SAXO1: variants seen among roughly 807,000 people sequenced by gnomAD.
SAXO1 encodes the protein 4930500O09Rik.
Under a neutral mutation model 17.5 loss-of-function variants are expected in SAXO1, and 21 were observed. The observed-to-expected ratio is 1.20, with a 90% CI of 0.85 to 1.72. SAXO1 has a LOEUF of 1.72. SAXO1 is among the 40% of genes most tolerant of loss of function. SAXO1 has a pLI of 0.00. For missense variants in SAXO1, 843 were observed against 596.0 expected (o/e 1.41, Z -4.32); for synonymous variants, 274 against 216.5 (o/e 1.27, Z -2.33).
At chr9:18,955,071 C>T (rs1023150587) in intron 1 of SAXO1, among the ~76,000 whole-genome samples, 1 of 152,152 alleles carries the variant, frequency 6.6e-6, no homozygotes, top group Admixed American at 6.5e-5. Context: ...GTGGCACCTG[C>T]CTATCGTCCC....
At chr9:18,937,923 G>A (rs948531869) in intron 3 of SAXO1, among the ~76,000 whole-genome samples, 17 of 152,284 alleles carry the variant, frequency 1.1e-4, no homozygotes, top group African/African-American at 4.1e-4. Context: ...AACCTCATAA[G>A]ACACACATGT....
chr9:18,950,684 A>G, intron 2 of SAXO1, 74 bp downstream of exon 2: 2 of 1,325,098 alleles, frequency 1.5e-6, no homozygotes, highest in South Asian at 2.9e-5. Flanking sequence ...TTACATTAAT[A>G]TTATACATTA....
chr9:18,977,068 T>C (rs937466909), intron 1 of SAXO1, among the ~76,000 whole-genome samples: 7 of 152,228 alleles, frequency 4.6e-5, no homozygotes, highest in Non-Finnish European at 1.0e-4. Context: ...TCCAATGAGG[T>C]CATCTTCGTG....
chr9:18,952,545 A>G (rs1383704960), intron 1 of SAXO1, among the ~76,000 whole-genome samples: 1 of 152,216 alleles, frequency 6.6e-6, no homozygotes, highest in Non-Finnish European at 1.5e-5. Context: ...TACTGTTCAT[A>G]TGGCTAGAAT....
intron 1 of SAXO1, among the ~76,000 whole-genome samples, chr9:19,015,138 C>A (rs1015453310): frequency 6.6e-6 from 1 of 152,160 alleles, no homozygotes; most frequent in African/African-American, 2.4e-5. Context: ...AGCATCTTTA[C>A]CTTGCTTCTT....
chr9:18,986,638 T>A (rs574618530), intron 1 of SAXO1, among the ~76,000 whole-genome samples: 1 of 151,992 alleles, frequency 6.6e-6, no homozygotes, highest in Admixed American at 6.6e-5. Context: ...CGGTTCCTCA[T>A]CATCGTGTCT....
intron 1 of SAXO1, among the ~76,000 whole-genome samples, chr9:19,024,225 C>CT (rs1382945856): frequency 6.6e-6 from 1 of 151,868 alleles, no homozygotes; most frequent in South Asian, 2.1e-4. Flanking sequence ...CCGTGTCTCT[C>CT]TGACTGCCCT....
At chr9:18,935,125 A>G (rs1831230029) in intron 3 of SAXO1, among the ~76,000 whole-genome samples, 1 of 152,064 alleles carries the variant, frequency 6.6e-6, no homozygotes, top group Admixed American at 6.6e-5. Context: ...TATTTTTACA[A>G]AAAAATACAA....
intron 1 of SAXO1, among the ~76,000 whole-genome samples, chr9:19,026,278 G>A (rs1297482582): frequency 6.6e-6 from 1 of 152,070 alleles, no homozygotes; most frequent in Non-Finnish European, 1.5e-5. Flanking sequence ...CTCGAAAATA[G>A]ACCAGACTAT....
At position 19,027,980 on chromosome 9, in the gene SAXO1, A is replaced by C. The variant is rs997586653; in HGVS notation, c.38+4891T>G. 4.5e-6 allele frequency: 7 copies of C among 1,556,754 alleles called. No homozygotes were observed. The African/African-American group carries it at 9.5e-5, about 21-fold the overall frequency. ...GCGAGGGAGCTGACCCGCTGCACAG[A>C]TGACTTCAACGGGGCCCAGTGCAAG... On this transcript the variant is annotated intron_variant, in intron 1 of 3. Transcript: ENST00000380534.
rs79072895 is a variant in SAXO1 at position 18,949,547 on chromosome 9, G to T, written c.218+1211C>A. 4.9e-3 allele frequency among the ~76,000 whole-genome samples: 750 copies of T among 152,234 alleles called. 4 individuals are homozygous for T. Among genetic ancestry groups the T allele is most frequent in the Non-Finnish European group, 6.5e-3 (444 of 68,018 alleles). ...CTCATTCTCAAGCCCCTGTCCAGTG[G>T]TTTCCACTAAGCTCAGGAATCCTTT... On this transcript the variant is annotated intron_variant, in intron 2 of 3. Coordinates refer to ENST00000380534, the MANE Select transcript of SAXO1 (RefSeq NM_153707.4).
intron 3 of SAXO1, among the ~76,000 whole-genome samples, chr9:18,933,044 G>A (rs909297864): frequency 2.0e-5 from 3 of 152,164 alleles, no homozygotes; most frequent in Non-Finnish European, 4.4e-5. Context: ...TATTGCACTA[G>A]CTAGAACCTC....
intron 1 of SAXO1, among the ~76,000 whole-genome samples, chr9:18,986,818 G>A (rs917197809): frequency 9.9e-5 from 15 of 152,164 alleles, no homozygotes; most frequent in African/African-American, 3.6e-4. Context: ...TTGTTAGGTT[G>A]TATATTCATT....
At chr9:18,959,873 G>A (rs189320025) in intron 1 of SAXO1, among the ~76,000 whole-genome samples, 1 of 152,294 alleles carries the variant, frequency 6.6e-6, no homozygotes, top group Admixed American at 6.5e-5. Flanking sequence ...GAGTAGTAAT[G>A]CCAAGGAGAG....
chr9:19,034,933 G>A (rs1335357057), upstream of SAXO1, among the ~76,000 whole-genome samples: 2 of 152,154 alleles, frequency 1.3e-5, no homozygotes, highest in African/African-American at 4.8e-5. Flanking sequence ...CTGCCCTTGT[G>A]GGTGGCCACC....
At chr9:18,992,100 A>G (rs73433210) in intron 1 of SAXO1, among the ~76,000 whole-genome samples, 5,118 of 152,290 alleles carry the variant, frequency 0.034, 301 homozygotes, top group African/African-American at 0.12. Flanking sequence ...CATTCTATAG[A>G]TAAGGGAAAT....
chr9:18,973,801 G>A (rs559255295), intron 1 of SAXO1, among the ~76,000 whole-genome samples: 36 of 152,266 alleles, frequency 2.4e-4, no homozygotes, highest in Non-Finnish European at 3.7e-4. Context: ...CTGATCACCT[G>A]ATTATCCCAC....
intron 3 of SAXO1, among the ~76,000 whole-genome samples, chr9:18,933,876 C>G (rs181199197): frequency 1.1e-3 from 164 of 152,188 alleles, no homozygotes; most frequent in African/African-American, 3.9e-3. Context: ...GAAACCCTGT[C>G]TCTACTAAAA....
At chr9:19,044,951 A>C (rs550716141) in intron 1 of SAXO1, among the ~76,000 whole-genome samples, 21 of 152,242 alleles carry the variant, frequency 1.4e-4, no homozygotes, top group African/African-American at 5.1e-4. Flanking sequence ...TGGTTCAAGA[A>C]TCGGTAGCAT....
Sources: allele counts gnomAD v4.1 joint callset (sites outside exome capture counted in the v4.1 genomes callset), GRCh38; gene constraint gnomAD v4.1.1; transcripts MANE v1.5; gene names NCBI Gene and HGNC (gene_info 2026-07-23, HGNC 2026-07-21).